TENT5C: variants seen among roughly 807,000 people sequenced by gnomAD.
TENT5C encodes family with sequence similarity 46 member C.
TENT5C carries 5 observed loss-of-function variants against 22.2 expected under a neutral mutation model. The ratio of observed to expected loss-of-function variants is 0.22; its 90% CI spans 0.12 to 0.47. TENT5C has a LOEUF of 0.47. Ranked by LOEUF, TENT5C falls within the 20% of genes least tolerant of loss-of-function variation. The pLI is 0.99. For missense variants in TENT5C, 364 were observed against 500.9 expected, an observed-to-expected ratio of 0.73 and a Z score of 2.61; for synonymous variants, 199 against 195.4, an observed-to-expected ratio of 1.02 and a Z score of -0.15.
intron 1 of TENT5C, among the ~76,000 whole-genome samples, chr1:117,620,860 G>A (rs151211027): frequency 1.7e-3 from 266 of 152,256 alleles, no homozygotes; most frequent in Middle Eastern, 0.017. Flanking sequence ...CCAGGTCCAT[G>A]GAAAAATTGT....
chr1:117,614,451 C>CT (rs1553248908), intron 1 of TENT5C, among the ~76,000 whole-genome samples: 1 of 152,156 alleles, frequency 6.6e-6, no homozygotes, highest in Non-Finnish European at 1.5e-5. Context: ...GGTGTCCAGT[C>CT]TCAGGTTCAG....
chr1:117,625,459 C>T lies in TENT5C; in HGVS notation c.*1415C>T, dbSNP rs764207919. The T allele has an allele frequency of 4.0e-6, 1 of 248,046 alleles. No homozygotes were observed. The highest frequency in any genetic ancestry group is 5.6e-5 in the Admixed American group (1 of 17,784). The allele number at this position is 248,046 out of a possible 1,614,324, so 15.4% of individuals were successfully genotyped here. A position where few individuals can be genotyped will look rare whatever the true frequency, so the allele number is the denominator to read the frequency against. ...GCTTAGTAGATGAGAGAGTTCTAGG[C>T]TACTGTGGCTTTTTCCAGTAGATTT... On this transcript the variant is annotated 3_prime_UTR_variant, in exon 2 of 2. Coordinates refer to ENST00000369448, the MANE Select transcript of TENT5C (RefSeq NM_017709.4).
chr1:117,621,288 C>T (rs935472364), intron 1 of TENT5C, among the ~76,000 whole-genome samples: 1 of 152,200 alleles, frequency 6.6e-6, no homozygotes, highest in Non-Finnish European at 1.5e-5. Context: ...ACCAACAGCT[C>T]ATGTTGTCTT....
chr1:117,611,131 G>A (rs1486316916), intron 1 of TENT5C, among the ~76,000 whole-genome samples: 1 of 152,220 alleles, frequency 6.6e-6, no homozygotes, highest in Admixed American at 6.5e-5. Context: ...TTAGAGATGG[G>A]CATTAGGATC....
Position 117,626,389 on chromosome 1 carries a change from A to G in TENT5C, c.*2345A>G, listed in dbSNP as rs138158904. On this transcript the variant is annotated 3_prime_UTR_variant, in exon 2 of 2. Transcript: ENST00000369448. ...CCCCAGTCTTTGCCACCATTGCACC[A>G]TGGTTGTCTCGGAGTCCCTTCACCT... 402 of 247,874 alleles carry G rather than the reference A, an allele frequency of 1.6e-3. 2 individuals are homozygous for G. Among genetic ancestry groups the G allele is most frequent in the Middle Eastern group, 3.8e-3 (3 of 784 alleles). 15.4% of individuals were successfully genotyped at this position (247,874 alleles called of 1,614,324 possible).
At chr1:117,609,116 A>G (rs1424397229) in intron 1 of TENT5C, among the ~76,000 whole-genome samples, 3 of 152,184 alleles carry the variant, frequency 2.0e-5, no homozygotes, top group African/African-American at 7.2e-5. Flanking sequence ...TGTTTAAAGA[A>G]ATGTTCATGT....
rs1045909 is a variant in TENT5C at position 117,627,296 on chromosome 1, T to C, written c.*3252T>C. On this transcript the variant is annotated 3_prime_UTR_variant, in exon 2 of 2. Coordinates refer to ENST00000369448, the MANE Select transcript of TENT5C (RefSeq NM_017709.4). ...ATAATCAAATTGCTAAAACCCTGAA[T>C]CTGCTTATTCTTCAGCTTCACCTCT... The C allele has an allele frequency of 4.0e-6, 1 of 248,200 alleles. No individual in the cohort carries two copies. The highest frequency in any genetic ancestry group is 8.5e-6 in the Non-Finnish European group (1 of 118,126). The allele number at this position is 248,200 out of a possible 1,614,324, so 15.4% of individuals were successfully genotyped here. A position where few individuals can be genotyped will look rare whatever the true frequency, so the allele number is the denominator to read the frequency against.
intron 1 of TENT5C, among the ~76,000 whole-genome samples, chr1:117,608,015 T>C (rs1448738535): frequency 6.6e-6 from 1 of 152,018 alleles, no homozygotes; most frequent in African/African-American, 2.4e-5. Context: ...TAGGAAGATT[T>C]TGGTATATTG....
chr1:117,610,835 C>T (rs953743223), intron 1 of TENT5C, among the ~76,000 whole-genome samples: 1 of 152,218 alleles, frequency 6.6e-6, no homozygotes, highest in South Asian at 2.1e-4. Flanking sequence ...CCAATACTTT[C>T]TTACAGTTCT....
intron 1 of TENT5C, among the ~76,000 whole-genome samples, chr1:117,618,791 G>A (rs190387993): frequency 1.3e-5 from 2 of 152,270 alleles, no homozygotes; most frequent in Non-Finnish European, 2.9e-5. Flanking sequence ...TAAACTAGAG[G>A]AAGTATTTGG....
chr1:117,624,390 G>T lies in TENT5C; in HGVS notation c.*346G>T, dbSNP rs932120338. The T allele has an allele frequency of 3.3e-6, 1 of 302,408 alleles. No individual in the cohort carries two copies. Among genetic ancestry groups the T allele is most frequent in the Non-Finnish European group, 6.5e-6 (1 of 153,446 alleles). The allele number at this position is 302,408 out of a possible 1,614,324, so 18.7% of individuals were successfully genotyped here. A position where few individuals can be genotyped will look rare whatever the true frequency, so the allele number is the denominator to read the frequency against. ...GAGATTGGGAGAATTTGGGCAGCGCGTGAGAAGTGCTAAGCTACTTGTTTT... is the reference window on the plus strand; with the variant it reads ...GAGATTGGGAGAATTTGGGCAGCGCTTGAGAAGTGCTAAGCTACTTGTTTT... On this transcript the variant is annotated 3_prime_UTR_variant, in exon 2 of 2. Coordinates refer to ENST00000369448, the MANE Select transcript of TENT5C (RefSeq NM_017709.4).
rs2101082179 is a variant in TENT5C, at chr1:117,626,640, C to T, written c.*2596C>T. ...TAGCTGAAACCTGCCTTTCCTAATG[C>T]TCACACAAGCACCAGGTACCCTGAG... On this transcript the variant is annotated 3_prime_UTR_variant, in exon 2 of 2. Coordinates refer to ENST00000369448, the MANE Select transcript of TENT5C (RefSeq NM_017709.4). The T allele has an allele frequency of 8.1e-6, 2 of 248,072 alleles. No homozygotes were observed. The highest frequency in any genetic ancestry group is 2.5e-3 in the Middle Eastern group (2 of 786). 15.4% of individuals were successfully genotyped at this position (248,072 alleles called of 1,614,324 possible).
At chr1:117,614,966 C>T (rs550727214) in intron 1 of TENT5C, among the ~76,000 whole-genome samples, 1 of 152,328 alleles carries the variant, frequency 6.6e-6, no homozygotes, top group South Asian at 2.1e-4. Flanking sequence ...CCTTCATCTC[C>T]CAGCCATTGT....
chr1:117,618,683 A>G (rs747299894), intron 1 of TENT5C, among the ~76,000 whole-genome samples: 3 of 152,194 alleles, frequency 2.0e-5, no homozygotes, highest in Non-Finnish European at 2.9e-5. Context: ...CTTTAGGATC[A>G]TAAGGTTTTA....
In TENT5C at chr1:117,622,831, C is replaced by T. The variant is rs746494402; in HGVS notation, c.-27-11C>T. The T allele has an allele frequency of 3.2e-6, 5 of 1,580,920 alleles. No homozygotes were observed. Among genetic ancestry groups the T allele is most frequent in the Non-Finnish European group, 4.3e-6 (5 of 1,154,694 alleles). ...TGAATCCTAACTCTGCTTCTCACCCCTCACTTTCAGTTTCCCCAGCCAGAA... is the reference window on the plus strand; with the variant it reads ...TGAATCCTAACTCTGCTTCTCACCCTTCACTTTCAGTTTCCCCAGCCAGAA... On this transcript the variant is annotated splice_polypyrimidine_tract_variant and intron_variant, in intron 1 of 1. Transcript: ENST00000369448.
At chr1:117,608,724 G>C (rs896514984) in intron 1 of TENT5C, among the ~76,000 whole-genome samples, 4 of 149,746 alleles carry the variant, frequency 2.7e-5, no homozygotes, top group African/African-American at 9.8e-5. Context: ...ACCTACTAAA[G>C]AAATGGAAAC....
chr1:117,615,538 C>G (rs1317392982), intron 1 of TENT5C, among the ~76,000 whole-genome samples: 2 of 152,184 alleles, frequency 1.3e-5, no homozygotes, highest in African/African-American at 4.8e-5. Flanking sequence ...GTTGGTGGCT[C>G]ATTAGGGTAC....
intron 1 of TENT5C, among the ~76,000 whole-genome samples, chr1:117,609,726 C>T (rs767125321): frequency 9.2e-5 from 14 of 152,338 alleles, no homozygotes; most frequent in Non-Finnish European, 1.9e-4. Context: ...CGCCGGAAAG[C>T]GGAATCTGTG....
intron 1 of TENT5C, among the ~76,000 whole-genome samples, chr1:117,606,869 GTC>G (rs1185807190): frequency 6.6e-6 from 1 of 152,216 alleles, no homozygotes; most frequent in Non-Finnish European, 1.5e-5. Flanking sequence ...TGCGCTGCGC[GTC>G]TCTCAGAAAC....
Sources: gnomAD v4.1 joint callset for allele counts (sites outside exome capture counted in the v4.1 genomes callset) on GRCh38, gnomAD v4.1.1 for gene constraint, MANE v1.5 for transcripts, NCBI Gene and HGNC (gene_info 2026-07-23, HGNC 2026-07-21) for gene names.